KCNMB4: variants seen among roughly 807,000 people sequenced by gnomAD.
The protein encoded by KCNMB4 is potassium calcium-activated channel subfamily M regulatory beta subunit 4, also known as calcium-activated potassium channel subunit beta-4.
In KCNMB4, 3 loss-of-function variants were observed where a neutral mutation model predicts 20.7. The observed-to-expected ratio is 0.14, with a 90% confidence interval of 0.07 to 0.37. The LOEUF (loss-of-function observed/expected upper bound fraction) is 0.37, where lower values mean the gene tolerates loss of function less well. Ranked by LOEUF, KCNMB4 falls within the 10% of genes least tolerant of loss-of-function variation. KCNMB4 has a pLI of 1.00. For missense variants in KCNMB4, 168 were observed against 265.9 expected (o/e 0.63, Z 2.56); for synonymous variants, 110 against 113.4 (o/e 0.97, Z 0.19).
Position 70,400,364 on chromosome 12 carries a change from A to G in KCNMB4, c.464+28A>G, listed in dbSNP as rs202205536. ...AAGTCAATATTTGCATGTGCGTGTT[A>G]AAATTGTTTGTAGACTCTGCAGCTT... On this transcript the variant is annotated intron_variant, in intron 2 of 2. Coordinates refer to ENST00000258111, the MANE Select transcript of KCNMB4 (RefSeq NM_014505.6). 3.7e-4 allele frequency: 593 copies of G among 1,592,334 alleles called. No individual in the cohort carries two copies. The Middle Eastern group carries it at 4.9e-3, about 13-fold the overall frequency.
At chr12:70,384,155 C>T (rs917998913) in intron 1 of KCNMB4, among the ~76,000 whole-genome samples, 1 of 152,084 alleles carries the variant, frequency 6.6e-6, no homozygotes, top group East Asian at 1.9e-4. Context: ...TCTGCAAGAC[C>T]CTATTGTGTT....
chr12:70,427,540 T>C (rs1869245444), intron 2 of KCNMB4, among the ~76,000 whole-genome samples: 1 of 152,220 alleles, frequency 6.6e-6, no homozygotes, highest in Non-Finnish European at 1.5e-5. Context: ...TTTGAAGTAA[T>C]TACAAATTCA....
rs148898503 is a variant in KCNMB4, at chr12:70,410,136, C to T, written c.464+9800C>T. Among the ~76,000 whole-genome samples the T allele has an allele frequency of 8.4e-3, 1,281 of 152,316 alleles. 5 individuals are homozygous for T. The highest frequency in any genetic ancestry group is 0.027 in the Middle Eastern group (8 of 294). ...AGTAGTCCTAGAATGAACTCTAGAACCAAACGCTTTCTAGTGGCGTGGTCT... is the reference window on the plus strand; with the variant it reads ...AGTAGTCCTAGAATGAACTCTAGAATCAAACGCTTTCTAGTGGCGTGGTCT... On this transcript the variant is annotated intron_variant, in intron 2 of 2. Transcript: ENST00000258111.
intron 1 of KCNMB4, among the ~76,000 whole-genome samples, chr12:70,385,086 T>A (rs1016624525): frequency 3.9e-5 from 6 of 152,056 alleles, no homozygotes; most frequent in Non-Finnish European, 8.8e-5. Flanking sequence ...ATCTTGGTAT[T>A]TGTATTTGTA....
At chr12:70,375,522 A>G (rs1374065679) in intron 1 of KCNMB4, among the ~76,000 whole-genome samples, 4 of 152,038 alleles carry the variant, frequency 2.6e-5, no homozygotes, top group African/African-American at 9.7e-5. Context: ...ATACACTGGT[A>G]GTCCTAGCTA....
intron 1 of KCNMB4, among the ~76,000 whole-genome samples, chr12:70,378,521 A>G (rs1034089090): frequency 6.6e-6 from 1 of 152,014 alleles, no homozygotes; most frequent in Non-Finnish European, 1.5e-5. Flanking sequence ...TATGAAGTGT[A>G]TTTTTTATTT....
intron 2 of KCNMB4, among the ~76,000 whole-genome samples, chr12:70,414,227 G>A (rs142922160): frequency 8.9e-4 from 136 of 151,992 alleles, no homozygotes; most frequent in African/African-American, 3.1e-3. Context: ...GCGAGACTCT[G>A]TCTCAAAAAA....
chr12:70,432,481 G>C lies in KCNMB4; in HGVS notation c.*1828G>C, dbSNP rs991681641. The C allele has an allele frequency of 1.3e-5, 2 of 152,124 alleles. No homozygotes were observed. The highest frequency in any genetic ancestry group is 4.8e-5 in the African/African-American group (2 of 41,386). 9.4% of individuals were successfully genotyped at this position (152,124 alleles called of 1,614,324 possible). On this transcript the variant is annotated 3_prime_UTR_variant, in exon 3 of 3. Transcript: ENST00000258111. ...GTAGCTATTCACAGGTATGATCATA[G>C]CACACTGCAGCCTCAAGCTCCTGGG...
chr12:70,383,750 T>G (rs1016288533), intron 1 of KCNMB4, among the ~76,000 whole-genome samples: 2 of 152,202 alleles, frequency 1.3e-5, no homozygotes, highest in African/African-American at 2.4e-5. Flanking sequence ...TGTGTCTCCG[T>G]ATCCCTTTCT....
chr12:70,377,803 C>T (rs1324370968), intron 1 of KCNMB4, among the ~76,000 whole-genome samples: 1 of 152,200 alleles, frequency 6.6e-6, no homozygotes, highest in Admixed American at 6.5e-5. Flanking sequence ...ACAGCATTTT[C>T]ACCAGAAGTG....
chr12:70,426,206 A>C (rs973538270), intron 2 of KCNMB4, among the ~76,000 whole-genome samples: 3 of 151,944 alleles, frequency 2.0e-5, no homozygotes, highest in Admixed American at 2.0e-4. Context: ...AGGCAGGAGA[A>C]TCGCTTGAAC....
intron 2 of KCNMB4, among the ~76,000 whole-genome samples, chr12:70,430,245 T>C (rs770754256): frequency 1.6e-4 from 24 of 152,202 alleles, no homozygotes; most frequent in Admixed American, 7.2e-4. Context: ...AGATACATTT[T>C]TGACACTTTG....
intron 2 of KCNMB4, among the ~76,000 whole-genome samples, chr12:70,421,643 G>A (rs1046400190): frequency 2.6e-5 from 4 of 151,464 alleles, no homozygotes; most frequent in East Asian, 2.0e-4. Flanking sequence ...GTGCAGTGGC[G>A]CAATCTTGGC....
intron 2 of KCNMB4, among the ~76,000 whole-genome samples, chr12:70,400,977 T>C (rs1046525166): frequency 1.3e-5 from 2 of 152,174 alleles, no homozygotes; most frequent in Admixed American, 1.3e-4. Context: ...CTTTGAGTAA[T>C]GCTTAGTTCA....
chr12:70,374,595 C>T (rs1263767479), intron 1 of KCNMB4, among the ~76,000 whole-genome samples: 4 of 152,008 alleles, frequency 2.6e-5, no homozygotes, highest in African/African-American at 9.7e-5. Flanking sequence ...ACTTGTAAAT[C>T]ATTGTGTTTA....
At chr12:70,396,754 A>G (rs1037590936) in intron 1 of KCNMB4, among the ~76,000 whole-genome samples, 5 of 152,228 alleles carry the variant, frequency 3.3e-5, no homozygotes, top group Non-Finnish European at 5.9e-5. Flanking sequence ...GTAGGTTGTT[A>G]TTTGTGGTCC....
At chr12:70,391,491 A>T (rs894438250) in intron 1 of KCNMB4, among the ~76,000 whole-genome samples, 3 of 152,102 alleles carry the variant, frequency 2.0e-5, no homozygotes, top group African/African-American at 7.2e-5. Flanking sequence ...TGTTCTGTAG[A>T]CAGAGGGTCT....
intron 2 of KCNMB4, among the ~76,000 whole-genome samples, chr12:70,427,013 T>C (rs996694965): frequency 2.6e-5 from 4 of 152,326 alleles, no homozygotes; most frequent in Admixed American, 1.3e-4. Context: ...TCCCTAGATA[T>C]AGAGTAATTA....
chr12:70,384,481 A>G (rs1479612843), intron 1 of KCNMB4, among the ~76,000 whole-genome samples: 2 of 152,232 alleles, frequency 1.3e-5, no homozygotes, highest in African/African-American at 4.8e-5. Context: ...ACGATAATGA[A>G]TGACTGAAAA....
Sources: gnomAD v4.1 joint callset for allele counts (sites outside exome capture counted in the v4.1 genomes callset) on GRCh38, gnomAD v4.1.1 for gene constraint, MANE v1.5 for transcripts, NCBI Gene and HGNC (gene_info 2026-07-23, HGNC 2026-07-21) for gene names.